Variants in WWOX observed in about 807,000 individuals in gnomAD.
WWOX encodes the protein WW domain-containing oxidoreductase.
A neutral mutation model predicts 46.2 loss-of-function variants in WWOX; 69 were observed. That is an observed-to-expected ratio of 1.49 (90% CI 1.23 to 1.82). The LOEUF (loss-of-function observed/expected upper bound fraction) is 1.82. Ranked by LOEUF, WWOX falls within the 40% of genes most tolerant of loss-of-function variation. The pLI is 0.00. For missense variants in WWOX, 919 were observed against 542.6 expected, an observed-to-expected ratio of 1.69 and a Z score of -6.89; for synonymous variants, 359 against 202.6, an observed-to-expected ratio of 1.77 and a Z score of -6.56.
At chr16:78,580,716 T>TTGC (rs1254046575) in intron 8 of WWOX, among the ~76,000 whole-genome samples, 3 of 152,250 alleles carry the variant, frequency 2.0e-5, no homozygotes, top group Non-Finnish European at 4.4e-5. Flanking sequence ...GCTCCACGAA[T>TTGC]ACTGCAGTGG....
Position 78,432,709 on chromosome 16 carries a change from A to C in WWOX, c.1013A>C (p.Tyr338Ser). The change falls in exon 8 of 9, where the codon TAC becomes TCC. Residue 338 changes from tyrosine to serine, a missense_variant. Transcript: ENST00000566780. ...AACATTCATCGCAGCTGGTGGGTGT[A>C]CACACTGCTGTTTACCTTGGCGAGG... ...YSNIHRSWWV[Y>S]TLLFTLARPF... 6.2e-7 allele frequency: 1 copy of C among 1,614,200 alleles called. No individual in the cohort carries two copies. Among genetic ancestry groups the C allele is most frequent in the Non-Finnish European group, 8.5e-7 (1 of 1,180,038 alleles).
At chr16:78,410,967 A>G (rs1291733191) in intron 6 of WWOX, among the ~76,000 whole-genome samples, 2 of 152,166 alleles carry the variant, frequency 1.3e-5, no homozygotes, top group East Asian at 1.9e-4. Context: ...GGCGAACCTC[A>G]GTTCCCTGCC....
chr16:78,391,302 G>A (rs1345547592), intron 6 of WWOX, among the ~76,000 whole-genome samples: 1 of 152,214 alleles, frequency 6.6e-6, no homozygotes, highest in Non-Finnish European at 1.5e-5. Flanking sequence ...AGTGTGCTAA[G>A]CACTTACATA....
At chr16:78,125,821 G>A (rs1045545855) in intron 4 of WWOX, among the ~76,000 whole-genome samples, 12 of 152,154 alleles carry the variant, frequency 7.9e-5, no homozygotes, top group Non-Finnish European at 7.3e-5. Context: ...TCAAGCGCCT[G>A]TATATGCCAG....
chr16:78,901,475 C>G (rs1253177386), intron 8 of WWOX, among the ~76,000 whole-genome samples: 1 of 152,096 alleles, frequency 6.6e-6, no homozygotes, highest in East Asian at 1.9e-4. Context: ...TCATAAGTAG[C>G]TGGTAGTCAG....
chr16:78,656,886 A>G lies in WWOX; in HGVS notation c.1056+224134A>G, dbSNP rs143332989. On this transcript the variant is annotated intron_variant, in intron 8 of 8. Transcript: ENST00000566780. ...AAGACATTTAGGGGAGGCTGTAGAT[A>G]CACAGCCGCTCTGTTTAGGGAAGGC... is the stretch of plus-strand genomic sequence containing the variant. Among the ~76,000 whole-genome samples, 66 of 152,296 alleles carry G rather than the reference A, an allele frequency of 4.3e-4. 1 individual carries two copies. The East Asian group carries it at 9.3e-3, about 21-fold the overall frequency.
intron 5 of WWOX, among the ~76,000 whole-genome samples, chr16:78,386,052 G>C (rs1221489263): frequency 1.8e-4 from 28 of 152,130 alleles, no homozygotes; most frequent in Non-Finnish European, 1.9e-4. Flanking sequence ...CAGTTCTCCT[G>C]GTTTCTTGCT....
chr16:78,454,962 T>C (rs114840093), intron 8 of WWOX, among the ~76,000 whole-genome samples: 1 of 152,308 alleles, frequency 6.6e-6, no homozygotes, highest in African/African-American at 2.4e-5. Flanking sequence ...TGATAAATGT[T>C]CATTGAGTGC....
At chr16:78,769,253 C>T (rs1297500121) in intron 8 of WWOX, among the ~76,000 whole-genome samples, 4 of 152,166 alleles carry the variant, frequency 2.6e-5, no homozygotes, top group Non-Finnish European at 4.4e-5. Context: ...CCGTGTAATG[C>T]CACCTGGGAG....
intron 1 of WWOX, among the ~76,000 whole-genome samples, chr16:78,100,738 C>A (rs903889481): frequency 6.6e-6 from 1 of 152,222 alleles, no homozygotes; most frequent in Non-Finnish European, 1.5e-5. Context: ...GCGTAAAGCA[C>A]ATAGCACCGT....
intron 8 of WWOX, among the ~76,000 whole-genome samples, chr16:78,687,852 A>C (rs2047897950): frequency 6.6e-6 from 1 of 152,190 alleles, no homozygotes; most frequent in African/African-American, 2.4e-5. Context: ...TTTTAAATTC[A>C]TGCATTAGAA....
chr16:78,951,428 G>A (rs889242717), intron 8 of WWOX, among the ~76,000 whole-genome samples: 12 of 152,108 alleles, frequency 7.9e-5, no homozygotes, highest in African/African-American at 2.7e-4. Context: ...TTTCTGTCTG[G>A]ACCTGGAATA....
Position 79,047,672 on chromosome 16 carries a change from A to ACTTTTT in WWOX, c.1057-163936_1057-163935insCTTTTT, listed in dbSNP as rs529812201. Reference sequence around the variant, plus strand: ...GTGACTTTCTCCTGAGACTGTCCTGATTTTTTTTTTTTTTTTTTTTTTTTT... The same window carrying ACTTTTT: ...GTGACTTTCTCCTGAGACTGTCCTGACTTTTTTTTTTTTTTTTTTTTTTTTTTTTTT... On this transcript the variant is annotated intron_variant, in intron 8 of 8. Transcript: ENST00000566780. 4.3e-4 allele frequency among the ~76,000 whole-genome samples: 23 copies of ACTTTTT among 53,536 alleles called. 1 individual carries two copies. The highest frequency in any genetic ancestry group is 1.8e-3 in the African/African-American group (23 of 13,050). 35.1% of individuals were successfully genotyped at this position (53,536 alleles called of 152,430 possible).
At chr16:78,141,650 T>C (rs1000370455) in intron 4 of WWOX, among the ~76,000 whole-genome samples, 1 of 152,182 alleles carries the variant, frequency 6.6e-6, no homozygotes, top group African/African-American at 2.4e-5. Context: ...TTCCATTAAA[T>C]ACACATACTT....
At chr16:78,626,582 T>G (rs1340119959) in intron 8 of WWOX, among the ~76,000 whole-genome samples, 1 of 152,188 alleles carries the variant, frequency 6.6e-6, no homozygotes, top group Non-Finnish European at 1.5e-5. Flanking sequence ...GTGACTCTGA[T>G]TCACCTGGTC....
chr16:78,522,373 A>G (rs72801987), intron 8 of WWOX, among the ~76,000 whole-genome samples: 12,227 of 152,216 alleles, frequency 0.08, 629 homozygotes, highest in South Asian at 0.12. Flanking sequence ...TCTGAGGCCA[A>G]GCCTTTTCCC....
At chr16:79,048,992 T>A (rs912739261) in intron 8 of WWOX, among the ~76,000 whole-genome samples, 1 of 152,128 alleles carries the variant, frequency 6.6e-6, no homozygotes, top group African/African-American at 2.4e-5. Flanking sequence ...TGGACAAATA[T>A]GCAATGAGAA....
chr16:78,726,113 C>T (rs1026255298), intron 8 of WWOX, among the ~76,000 whole-genome samples: 1 of 83,510 alleles, frequency 1.2e-5, no homozygotes, highest in East Asian at 3.9e-4. Flanking sequence ...CCCTCCCTCT[C>T]TGCCTCCCTC....
intron 7 of WWOX, among the ~76,000 whole-genome samples, chr16:78,427,771 C>T (rs2083120671): frequency 6.6e-6 from 1 of 151,724 alleles, no homozygotes; most frequent in Admixed American, 6.6e-5. Context: ...GAGTGAGACC[C>T]CATCTCTAAA....
Sources: allele counts gnomAD v4.1 joint callset (sites outside exome capture counted in the v4.1 genomes callset), GRCh38; gene constraint gnomAD v4.1.1; transcripts MANE v1.5; gene names NCBI Gene and HGNC (gene_info 2026-07-23, HGNC 2026-07-21).